NIPAL3: variants seen among roughly 807,000 people sequenced by gnomAD.
The protein encoded by NIPAL3 is NIPA like domain containing 3, also known as NIPA-like protein 3.
Under a neutral mutation model 47.2 loss-of-function variants are expected in NIPAL3, and 41 were observed. The ratio of observed to expected loss-of-function variants is 0.87; its 90% CI spans 0.68 to 1.13. NIPAL3 has a LOEUF of 1.13. Ranked by LOEUF, NIPAL3 falls within the 50% of genes most tolerant of loss-of-function variation. NIPAL3 has a pLI of 0.00. For synonymous variants in NIPAL3, 194 were observed against 209.6 expected (o/e 0.93, Z 0.64); for missense variants, 449 against 530.1 (o/e 0.85, Z 1.50).
Position 24,471,123 on chromosome 1 carries a change from T to C in NIPAL3, c.*1938T>C, listed in dbSNP as rs1646887122. 1 of 152,134 alleles carries C rather than the reference T, an allele frequency of 6.6e-6. No individual in the cohort carries two copies. Among genetic ancestry groups the C allele is most frequent in the Admixed American group, 6.5e-5 (1 of 15,274 alleles). The allele number at this position is 152,134 out of a possible 1,614,324, so 9.4% of individuals were successfully genotyped here. ...GAAGTGGAGATGATTTTGGCCCCAC[T>C]CATAGATGGGTGGCAAATCTAAGAT... On this transcript the variant is annotated 3_prime_UTR_variant, in exon 12 of 12. Coordinates refer to ENST00000374399, the MANE Select transcript of NIPAL3 (RefSeq NM_020448.5).
chr1:24,419,317 C>A lies in NIPAL3; in HGVS notation c.-231C>A. On this transcript the variant is annotated 5_prime_UTR_variant, in exon 2 of 12. Transcript: ENST00000374399. The stretch of plus-strand genomic sequence containing the variant: ...GCACCGCAAGAACTGGAAAACACAC[C>A]CCTCTCTGTCTGCCTGGGAGAGCCA... 2 of 1,244,760 alleles carry A rather than the reference C, an allele frequency of 1.6e-6. No homozygotes were observed. Among genetic ancestry groups the A allele is most frequent in the South Asian group, 5.2e-5 (2 of 38,232 alleles). 77.1% of individuals were successfully genotyped at this position (1,244,760 alleles called of 1,614,324 possible). A position where few individuals can be genotyped will look rare whatever the true frequency, so the allele number is the denominator to read the frequency against.
At chr1:24,436,798 C>T (rs578071108) in intron 2 of NIPAL3, among the ~76,000 whole-genome samples, 130 of 152,182 alleles carry the variant, frequency 8.5e-4, no homozygotes, top group African/African-American at 3.0e-3. Flanking sequence ...CGCGCCCAGC[C>T]TTTTGTTTGC....
intron 10 of NIPAL3, among the ~76,000 whole-genome samples, chr1:24,461,284 G>A (rs964815266): frequency 6.6e-6 from 1 of 152,184 alleles, no homozygotes; most frequent in African/African-American, 2.4e-5. Context: ...GCTCACACCT[G>A]TAATCCCAGC....
Position 24,419,574 on chromosome 1 carries a change from GA to G in NIPAL3, c.29del (p.Lys10SerfsTer14). On this transcript the variant is annotated frameshift_variant, in exon 2 of 12. Transcript: ENST00000374399. LOFTEE classifies it high-confidence loss of function. MDGSHSAAL[K>X]LQQLPPTSSS... ...TGGACGGATCCCACAGCGCAGCCCT[GA>G]AGCTGCAGCAGCTGCCTCCCACAAG... 1 of 1,614,020 alleles carries G rather than the reference GA, an allele frequency of 6.2e-7. No individual in the cohort carries two copies. The highest frequency in any genetic ancestry group is 8.5e-7 in the Non-Finnish European group (1 of 1,179,958).
rs528170723 is a variant in NIPAL3 at position 24,451,525 on chromosome 1, G to A, written c.541-1883G>A. Among the ~76,000 whole-genome samples, 75 of 151,706 alleles carry A rather than the reference G, an allele frequency of 4.9e-4. 1 individual carries two copies. The South Asian group carries it at 0.013, about 27-fold the overall frequency. ...AGTGTGGGCAATGTGGCAAAACCCC[G>A]TCTCTATTTGGAAAAAAAAAAGTAA... On this transcript the variant is annotated intron_variant, in intron 6 of 11. Transcript: ENST00000374399. The surrounding 1 kb of genome is among the most constrained non-coding windows in gnomAD (Gnocchi z 4.5).
intron 10 of NIPAL3, among the ~76,000 whole-genome samples, 197 bp from the exon 11 acceptor site, chr1:24,463,828 AG>A (rs1283063601): frequency 3.9e-5 from 6 of 151,964 alleles, no homozygotes; most frequent in Non-Finnish European, 7.4e-5. Context: ...AGGCCACTCC[AG>A]CTATTGTTAT....
intron 10 of NIPAL3, 32 bp from the exon 11 acceptor site, chr1:24,463,994 A>G: frequency 1.3e-6 from 2 of 1,582,580 alleles, no homozygotes; most frequent in South Asian, 2.3e-5. Context: ...TCCTGGCCTT[A>G]TTTCTCTTCC....
chr1:24,445,319 T>A, intron 5 of NIPAL3, 75 bp downstream of exon 5: 1 of 1,060,612 alleles, frequency 9.4e-7, no homozygotes, highest in Non-Finnish European at 1.5e-6. Context: ...CAGTTCACTC[T>A]AATTCAGAGG....
intron 5 of NIPAL3, among the ~76,000 whole-genome samples, chr1:24,448,637 A>T (rs1313958749): frequency 6.6e-6 from 1 of 151,180 alleles, no homozygotes; most frequent in Admixed American, 6.6e-5. Context: ...CAATACCATC[A>T]TGGCTAAAAT....
upstream of NIPAL3, chr1:24,414,591 G>A (rs728093): frequency 0.24 from 33,473 of 136,912 alleles, 4,393 homozygotes; most frequent in East Asian, 0.47. Flanking sequence ...CTGGAGTGCA[G>A]TGGCGCGATC....
At chr1:24,446,031 G>A (rs1183641422) in intron 5 of NIPAL3, among the ~76,000 whole-genome samples, 1 of 149,428 alleles carries the variant, frequency 6.7e-6, no homozygotes, top group Admixed American at 6.7e-5. Flanking sequence ...GAATACAGCA[G>A]TAGGATAGAT....
intron 11 of NIPAL3, chr1:24,466,179 C>A: frequency 7.6e-7 from 1 of 1,315,194 alleles, no homozygotes; most frequent in Non-Finnish European, 1.0e-6. Flanking sequence ...TCAGCCAGGC[C>A]TTGGCCCTTT....
In NIPAL3 at chr1:24,470,282, G is replaced by A. The variant is rs1557545018; in HGVS notation, c.*1097G>A. 1 of 152,192 alleles carries A rather than the reference G, an allele frequency of 6.6e-6. No individual in the cohort carries two copies. The highest frequency in any genetic ancestry group is 1.5e-5 in the Non-Finnish European group (1 of 68,048). The allele number at this position is 152,192 out of a possible 1,614,324, so 9.4% of individuals were successfully genotyped here. ...GTGACTGTCTTCCCCTAGACTGATG[G>A]TATACTTTTGAGAGGGGCGGATAAA... On this transcript the variant is annotated 3_prime_UTR_variant, in exon 12 of 12. Transcript: ENST00000374399.
At chr1:24,420,183 C>G (rs1238891807) in intron 2 of NIPAL3, 3 of 151,978 alleles carry the variant, frequency 2.0e-5, no homozygotes, top group Non-Finnish European at 4.4e-5. Flanking sequence ...TGCATTCCCA[C>G]TTAGAAGATT....
intron 2 of NIPAL3, among the ~76,000 whole-genome samples, chr1:24,423,387 T>C (rs1644421237): frequency 6.6e-6 from 1 of 152,180 alleles, no homozygotes. Flanking sequence ...ACGCCTGTAA[T>C]CCCAGCACTT....
chr1:24,443,319 G>A (rs957661643), intron 4 of NIPAL3, among the ~76,000 whole-genome samples: 1 of 152,186 alleles, frequency 6.6e-6, no homozygotes, highest in Admixed American at 6.5e-5. Context: ...CAATGAACTT[G>A]CTTTGAAATA....
Position 24,426,554 on chromosome 1 carries a change from T to C in NIPAL3, c.93+6914T>C, listed in dbSNP as rs1644600057. ...AGGTGATCTGAGGAGTCTTCCTATTTGGAAGGTGTACAGTTATCCTAAATA... is the reference window on the plus strand; with the variant it reads ...AGGTGATCTGAGGAGTCTTCCTATTCGGAAGGTGTACAGTTATCCTAAATA... On this transcript the variant is annotated intron_variant, in intron 2 of 11. Coordinates refer to ENST00000374399, the MANE Select transcript of NIPAL3 (RefSeq NM_020448.5). Among the ~76,000 whole-genome samples the C allele has an allele frequency of 2.0e-5, 3 of 152,194 alleles. 1 individual carries two copies. In the South Asian group the frequency reaches 6.2e-4, roughly 32 times the overall value.
chr1:24,465,981 G>A (rs1646681623), intron 11 of NIPAL3: 2 of 1,604,290 alleles, frequency 1.2e-6, no homozygotes, highest in Non-Finnish European at 1.7e-6. Context: ...TCAGCATTAG[G>A]ATCTTGCCTT....
intron 5 of NIPAL3, among the ~76,000 whole-genome samples, chr1:24,445,747 C>T (rs932152285): frequency 6.6e-6 from 1 of 152,146 alleles, no homozygotes; most frequent in Admixed American, 6.5e-5. Flanking sequence ...CCCCAAGAAA[C>T]ACTTGGGTTT....
Sources: gnomAD v4.1 joint callset for allele counts (sites outside exome capture counted in the v4.1 genomes callset) on GRCh38, gnomAD v4.1.1 for gene constraint, Gnocchi (gnomAD v3.1) non-coding constraint, MANE v1.5 for transcripts, NCBI Gene and HGNC (gene_info 2026-07-23, HGNC 2026-07-21) for gene names.